GALNTL6: variants seen among roughly 807,000 people sequenced by gnomAD.
GALNTL6 encodes polypeptide N-acetylgalactosaminyltransferase-like 6.
GALNTL6 carries 46 observed loss-of-function variants against 73.7 expected under a neutral mutation model. The ratio of observed to expected loss-of-function variants is 0.62; its 90% CI spans 0.49 to 0.80. The LOEUF (loss-of-function observed/expected upper bound fraction) is 0.80, where lower values mean the gene tolerates loss of function less well. Among genes scored for constraint, GALNTL6 ranks in the 30% least tolerant of loss-of-function variants. The probability of loss-of-function intolerance (pLI) is 0.00; values close to 1 mark genes in which losing one functional copy is unlikely to be tolerated. For synonymous variants in GALNTL6, 259 were observed against 263.7 expected, an observed-to-expected ratio of 0.98 and a Z score of 0.17; for missense variants, 604 against 755.0, an observed-to-expected ratio of 0.80 and a Z score of 2.34.
At chr4:172,789,782 T>C (rs1309572645) in intron 5 of GALNTL6, among the ~76,000 whole-genome samples, 1 of 151,904 alleles carries the variant, frequency 6.6e-6, no homozygotes, top group East Asian at 1.9e-4. Context: ...ATCAGAAAGG[T>C]GGGGGAAGAT....
Position 172,644,559 on chromosome 4 carries a change from G to C in GALNTL6, c.554-164802G>C, listed in dbSNP as rs370553965. ...ATACATGGAGAGTCATTCATGTATT[G>C]CATGTAGCAGTCATTTTTATTGCTT... On this transcript the variant is annotated intron_variant, in intron 5 of 12. Coordinates refer to ENST00000506823, the MANE Select transcript of GALNTL6 (RefSeq NM_001034845.3). 1.1e-4 allele frequency among the ~76,000 whole-genome samples: 17 copies of C among 151,926 alleles called. 1 individual carries two copies. In the South Asian group the frequency reaches 3.5e-3, roughly 32 times the overall value.
intron 3 of GALNTL6, among the ~76,000 whole-genome samples, chr4:172,236,772 G>GATAA (rs70941393): frequency 0.98 from 148,612 of 152,078 alleles, 72,699 homozygotes; most frequent in East Asian, 1. Flanking sequence ...TGATTCTATA[G>GATAA]ATTGCAAGTT....
intron 8 of GALNTL6, among the ~76,000 whole-genome samples, chr4:172,891,666 A>G (rs1231470826): frequency 6.6e-6 from 1 of 152,136 alleles, no homozygotes; most frequent in Admixed American, 6.5e-5. Flanking sequence ...GAGTTTCTCA[A>G]ATTTACATTT....
chr4:172,418,515 G>A (rs1579053825), intron 5 of GALNTL6, among the ~76,000 whole-genome samples: 1 of 152,244 alleles, frequency 6.6e-6, no homozygotes, highest in East Asian at 1.9e-4. Flanking sequence ...CTATAGTGGG[G>A]AACCAAGCCA....
intron 7 of GALNTL6, among the ~76,000 whole-genome samples, chr4:172,829,260 G>A (rs1478493722): frequency 6.6e-6 from 1 of 152,206 alleles, no homozygotes; most frequent in Non-Finnish European, 1.5e-5. Flanking sequence ...AGCAGAGAGC[G>A]TGTCTGCCTG....
At chr4:172,675,559 C>G (rs560892579) in intron 5 of GALNTL6, among the ~76,000 whole-genome samples, 21 of 152,286 alleles carry the variant, frequency 1.4e-4, no homozygotes, top group Admixed American at 1.3e-3. Context: ...CCATGCCCCA[C>G]AAGCAAGAAT....
chr4:172,175,406 T>C (rs1330055772), intron 2 of GALNTL6, among the ~76,000 whole-genome samples: 1 of 152,060 alleles, frequency 6.6e-6, no homozygotes, highest in Non-Finnish European at 1.5e-5. Context: ...CCAAACTAGA[T>C]GTTTGAATAG....
chr4:172,916,560 A>G (rs1231166262), intron 8 of GALNTL6, among the ~76,000 whole-genome samples: 1 of 152,222 alleles, frequency 6.6e-6, no homozygotes, highest in Non-Finnish European at 1.5e-5. Context: ...CTCAGGATAC[A>G]AAATCAATGT....
intron 2 of GALNTL6, among the ~76,000 whole-genome samples, chr4:171,862,989 G>C (rs1735875655): frequency 1.3e-5 from 2 of 152,262 alleles, no homozygotes; most frequent in South Asian, 4.1e-4. Context: ...GAGATATGGA[G>C]TAATGTGTCA....
intron 3 of GALNTL6, among the ~76,000 whole-genome samples, chr4:172,231,527 A>G (rs1737070351): frequency 6.6e-6 from 1 of 152,178 alleles, no homozygotes; most frequent in Non-Finnish European, 1.5e-5. Flanking sequence ...TCCACTGTCA[A>G]ATAATAATAA....
chr4:172,088,177 A>G (rs1937502427), intron 2 of GALNTL6, among the ~76,000 whole-genome samples: 1 of 152,162 alleles, frequency 6.6e-6, no homozygotes, highest in Admixed American at 6.5e-5. Flanking sequence ...GCTACATAAT[A>G]ATTTGCTATT....
intron 2 of GALNTL6, among the ~76,000 whole-genome samples, chr4:172,102,984 G>C (rs1732562798): frequency 6.6e-6 from 1 of 152,142 alleles, no homozygotes; most frequent in South Asian, 2.1e-4. Flanking sequence ...CTTCAGCAGA[G>C]GAACCTGAAG....
chr4:172,185,698 G>A (rs1003191463), intron 2 of GALNTL6, among the ~76,000 whole-genome samples: 2 of 152,068 alleles, frequency 1.3e-5, no homozygotes, highest in East Asian at 1.9e-4. Flanking sequence ...CACAATTTTA[G>A]TATGTTAGCT....
intron 2 of GALNTL6, among the ~76,000 whole-genome samples, chr4:172,134,138 C>T (rs1378920020): frequency 2.6e-5 from 4 of 152,106 alleles, no homozygotes; most frequent in Non-Finnish European, 5.9e-5. Flanking sequence ...AATCCCAGCA[C>T]TTTGGGAGGC....
Position 173,021,463 on chromosome 4 carries a change from G to GT in GALNTL6, c.1489-11dup, listed in dbSNP as rs761850690. ...AACTCACTGCAGCTTTTCTGCTACT[G>GT]TTGCTTTGCTAGCTTTTTACCTTTG... is the stretch of plus-strand genomic sequence containing the variant. On this transcript the variant is annotated splice_polypyrimidine_tract_variant and intron_variant, in intron 11 of 12. Transcript: ENST00000506823. 6.2e-7 allele frequency: 1 copy of GT among 1,613,834 alleles called. No individual in the cohort carries two copies. Among genetic ancestry groups the GT allele is most frequent in the Admixed American group, 1.7e-5 (1 of 60,006 alleles).
chr4:172,651,391 C>G (rs1413843638), intron 5 of GALNTL6, among the ~76,000 whole-genome samples: 2 of 152,206 alleles, frequency 1.3e-5, no homozygotes, highest in African/African-American at 4.8e-5. Flanking sequence ...CACAATATTA[C>G]ATAGGAACTA....
chr4:172,029,803 C>T (rs905236435), intron 2 of GALNTL6, among the ~76,000 whole-genome samples: 35 of 152,124 alleles, frequency 2.3e-4, no homozygotes, highest in Admixed American at 6.6e-4. Context: ...TGAACTCTAG[C>T]ATGGTGGCTG....
chr4:171,819,498 G>C (rs1236889482), intron 2 of GALNTL6, among the ~76,000 whole-genome samples: 1 of 152,140 alleles, frequency 6.6e-6, no homozygotes, highest in Non-Finnish European at 1.5e-5. Flanking sequence ...CCCTGCAAAA[G>C]GAGCCAAATC....
chr4:172,151,165 T>C (rs1212901449), intron 2 of GALNTL6, among the ~76,000 whole-genome samples: 1 of 151,912 alleles, frequency 6.6e-6, no homozygotes, highest in Non-Finnish European at 1.5e-5. Context: ...AGATTGATAA[T>C]GCAAAATAAT....
Sources: gnomAD v4.1 joint callset for allele counts (sites outside exome capture counted in the v4.1 genomes callset) on GRCh38, gnomAD v4.1.1 for gene constraint, MANE v1.5 for transcripts, NCBI Gene and HGNC (gene_info 2026-07-23, HGNC 2026-07-21) for gene names.